CCDC40: variants seen among roughly 807,000 people sequenced by gnomAD.
CCDC40 encodes coiled-coil domain 40 molecular ruler complex subunit, also known as coiled-coil domain-containing protein 40.
CCDC40 carries 104 observed loss-of-function variants against 124.5 expected under a neutral mutation model. The observed-to-expected ratio is 0.84, with a 90% CI of 0.71 to 0.98. The LOEUF is 0.98. Among genes scored for constraint, CCDC40 ranks in the 50% least tolerant of loss-of-function variants. The pLI is 0.00. For missense variants in CCDC40, 1,463 were observed against 1,503.9 expected, an observed-to-expected ratio of 0.97 and a Z score of 0.45; for synonymous variants, 580 against 602.9, an observed-to-expected ratio of 0.96 and a Z score of 0.56.
At chr17:80,052,334 G>A (rs756406026) in intron 7 of CCDC40, among the ~76,000 whole-genome samples, 53 of 152,290 alleles carry the variant, frequency 3.5e-4, no homozygotes, top group Middle Eastern at 3.4e-3. Flanking sequence ...GAAGCATCCA[G>A]CACAGGAGAA....
chr17:80,084,888 G>A lies in CCDC40; in HGVS notation c.2135G>A (p.Ser712Asn). 1 of 1,614,126 alleles carries A rather than the reference G, an allele frequency of 6.2e-7. No homozygotes were observed. Among genetic ancestry groups the A allele is most frequent in the South Asian group, 1.1e-5 (1 of 91,090 alleles). Residue 712 changes from serine (S) to asparagine (N), a missense_variant, in exon 13 of 20, where the codon AGC (serine) becomes AAC (asparagine). By Grantham distance (46) the Ser-to-Asn change is conservative. Transcript: ENST00000397545. ...AAAGTCAACGAGCTCATCACCAACA[G>A]CCAGAGCGAGATCTCCCGGCGCACG... Reference protein sequence around the residue: ...VKKVNELITNSQSEISRRTIL... With the variant: ...VKKVNELITNNQSEISRRTIL...
chr17:80,091,575 G>T (rs1193313734), intron 17 of CCDC40, among the ~76,000 whole-genome samples: 2 of 116,086 alleles, frequency 1.7e-5, no homozygotes. Context: ...GCCCTCAACA[G>T]ATTGGATGAT....
At chr17:80,050,680 G>A (rs189098966) in intron 7 of CCDC40, among the ~76,000 whole-genome samples, 2 of 152,350 alleles carry the variant, frequency 1.3e-5, no homozygotes, top group African/African-American at 4.8e-5. Flanking sequence ...CTGACCTCAG[G>A]TGATTCGCCT....
intron 7 of CCDC40, among the ~76,000 whole-genome samples, chr17:80,057,704 G>A (rs111872882): frequency 2.2e-3 from 337 of 151,818 alleles, no homozygotes; most frequent in Non-Finnish European, 3.9e-3. Context: ...GTGAAACCCC[G>A]TCTCTACTAA....
At chr17:80,069,885 G>C (rs938462294) in intron 10 of CCDC40, among the ~76,000 whole-genome samples, 1 of 152,248 alleles carries the variant, frequency 6.6e-6, no homozygotes, top group Non-Finnish European at 1.5e-5. Flanking sequence ...CCTCAGTCCT[G>C]ATGATGGCAG....
At chr17:80,040,604 G>A (rs1331421832) in intron 3 of CCDC40, 7 of 341,582 alleles carry the variant, frequency 2.0e-5, no homozygotes, top group Non-Finnish European at 3.8e-5. Flanking sequence ...GCTTGAACCC[G>A]AGAGGCGGAG....
Position 80,097,286 on chromosome 17 carries a change from A to T in CCDC40, c.3063A>T (p.Glu1021Asp). Residue 1021 changes from glutamate (E) to aspartate (D), a missense_variant, in exon 19 of 20, where the codon GAA (glutamate) becomes GAT (aspartate). Glu to Asp is a conservative substitution (Grantham distance 45, BLOSUM62 2). Coordinates refer to ENST00000397545, the MANE Select transcript of CCDC40 (RefSeq NM_017950.4). ...CCAAAACCGTCCTGGAACTGGAAGA[A>T]ACACAAAGAAATGTGAGCAGCTCCC... ...ECTKTVLELEETQRNVSSSLL... is the reference protein window; with the variant it reads ...ECTKTVLELEDTQRNVSSSLL... 6.2e-7 allele frequency: 1 copy of T among 1,613,988 alleles called. No individual in the cohort carries two copies. The highest frequency in any genetic ancestry group is 8.5e-7 in the Non-Finnish European group (1 of 1,180,020).
At chr17:80,074,838 AAAGT>A (rs1429147899) in intron 10 of CCDC40, among the ~76,000 whole-genome samples, 1 of 152,196 alleles carries the variant, frequency 6.6e-6, no homozygotes, top group Non-Finnish European at 1.5e-5. Context: ...GGATCTGAGC[AAAGT>A]AAGTTGAAAA....
intron 10 of CCDC40, among the ~76,000 whole-genome samples, chr17:80,078,576 G>A (rs1191556663): frequency 6.6e-6 from 1 of 152,104 alleles, no homozygotes; most frequent in Non-Finnish European, 1.5e-5. Flanking sequence ...CTTTGTCAAA[G>A]ATCAATGTAT....
At chr17:80,042,290 C>T (rs868779723) in intron 3 of CCDC40, among the ~76,000 whole-genome samples, 2 of 151,944 alleles carry the variant, frequency 1.3e-5, no homozygotes, top group Non-Finnish European at 2.9e-5. Context: ...GGCTAAAATT[C>T]GGTATTTTTA....
chr17:80,055,996 A>ATT (rs1568682519), intron 7 of CCDC40, among the ~76,000 whole-genome samples: 4 of 5,670 alleles, frequency 7.1e-4, no homozygotes, highest in African/African-American at 1.3e-3. Context: ...ATATATATAT[A>ATT]TATATATATA....
At chr17:80,089,493 A>G in intron 16 of CCDC40, 1 of 458,294 alleles carries the variant, frequency 2.2e-6, no homozygotes. Context: ...CAGCTCCTAC[A>G]GTTATATATC....
At position 80,087,234 on chromosome 17, in the gene CCDC40, G is replaced by T; in HGVS notation, c.2450-373G>T. ...GGGGTCTAAGGGCCTCCCTCTCCTG[G>T]AGACTCACAGTGTCTGAGCATCAAC... On this transcript the variant is annotated intron_variant, in intron 14 of 19. Transcript: ENST00000397545. The surrounding 1 kb of genome is among the most constrained non-coding windows in gnomAD (Gnocchi z 4.5). The T allele has an allele frequency of 2.9e-6, 1 of 350,840 alleles. No individual in the cohort carries two copies. Among genetic ancestry groups the T allele is most frequent in the Non-Finnish European group, 5.5e-6 (1 of 180,680 alleles). 21.7% of individuals were successfully genotyped at this position (350,840 alleles called of 1,614,324 possible). A position where few individuals can be genotyped will look rare whatever the true frequency, so the allele number is the denominator to read the frequency against.
rs753389715 is a variant in CCDC40, at chr17:80,038,139, G to A, written c.46G>A (p.Gly16Arg). ...TAAAACCAGGTCCCATCCGGAAGAT[G>A]GATCGGCTTCTGAGGGAGAGAAGGA... is the stretch of plus-strand genomic sequence containing the variant. ...GAAGRSHPED[G>R]SASEGEKEGN... The change falls in exon 2 of 20, where the codon GGA (glycine) becomes AGA (arginine). Residue 16 changes from glycine (G) to arginine (R), a missense_variant. Gly to Arg is a moderately radical substitution (Grantham distance 125). Coordinates refer to ENST00000397545, the MANE Select transcript of CCDC40 (RefSeq NM_017950.4). The A allele has an allele frequency of 6.2e-7, 1 of 1,611,000 alleles. No homozygotes were observed. Among genetic ancestry groups the A allele is most frequent in the Non-Finnish European group, 8.5e-7 (1 of 1,177,462 alleles).
At chr17:80,078,127 T>C (rs71389730) in intron 10 of CCDC40, among the ~76,000 whole-genome samples, 19,706 of 151,820 alleles carry the variant, frequency 0.13, 1,364 homozygotes, top group Middle Eastern at 0.21. Context: ...GTCAGGAGAT[T>C]GAGACCATCC....
chr17:80,044,719 A>ATG (rs2037377279), intron 3 of CCDC40, among the ~76,000 whole-genome samples: 1 of 30,076 alleles, frequency 3.3e-5, no homozygotes, highest in African/African-American at 7.4e-5. Context: ...AAAAAAAAAT[A>ATG]TATATATATA....
chr17:80,060,952 G>A (rs1410482298), intron 9 of CCDC40, among the ~76,000 whole-genome samples: 1 of 152,188 alleles, frequency 6.6e-6, no homozygotes, highest in Non-Finnish European at 1.5e-5. Context: ...ATTTAAATGG[G>A]GGAAAATGTG....
At chr17:80,050,381 T>A in intron 7 of CCDC40, 98 bp downstream of exon 7, 1 of 954,450 alleles carries the variant, frequency 1.0e-6, no homozygotes. Flanking sequence ...AAGTAAGATG[T>A]GTGTGCATCC....
chr17:80,047,734 A>G (rs572062000), intron 4 of CCDC40, among the ~76,000 whole-genome samples: 32 of 152,174 alleles, frequency 2.1e-4, no homozygotes, highest in African/African-American at 7.2e-4. Flanking sequence ...CCTGACAGCC[A>G]TTTCTCACGG....
Sources: gnomAD v4.1 joint callset for allele counts (sites outside exome capture counted in the v4.1 genomes callset) on GRCh38, gnomAD v4.1.1 for gene constraint, Gnocchi (gnomAD v3.1) non-coding constraint, MANE v1.5 for transcripts, NCBI Gene and HGNC (gene_info 2026-07-23, HGNC 2026-07-21) for gene names.